PTPRM: variants seen among roughly 807,000 people sequenced by gnomAD.
PTPRM encodes receptor-type tyrosine-protein phosphatase mu.
Under a neutral mutation model 186.7 loss-of-function variants are expected in PTPRM, and 47 were observed. The observed-to-expected ratio is 0.25, with a 90% CI of 0.20 to 0.32. The LOEUF is 0.32. PTPRM is among the 10% of genes least tolerant of loss of function. PTPRM has a pLI of 1.00. For synonymous variants in PTPRM, 668 were observed against 674.9 expected, an observed-to-expected ratio of 0.99 and a Z score of 0.16; for missense variants, 1,494 against 1,865.0, an observed-to-expected ratio of 0.80 and a Z score of 3.66.
Position 7,980,880 on chromosome 18 carries a change from G to A in PTPRM, c.1132+25466G>A, listed in dbSNP as rs531010359. Among the ~76,000 whole-genome samples the A allele has an allele frequency of 1.2e-4, 18 of 152,132 alleles. No homozygotes were observed. The South Asian group carries it at 2.9e-3, about 25-fold the overall frequency. On this transcript the variant is annotated intron_variant, in intron 7 of 32. Transcript: ENST00000580170. ...GATCTGTCTCCCTCCACTGGAGCATGAGCTGGCCTGGCAGGGCTTTTGTCT... is the reference window on the plus strand; with the variant it reads ...GATCTGTCTCCCTCCACTGGAGCATAAGCTGGCCTGGCAGGGCTTTTGTCT...
At chr18:7,726,433 G>C (rs2040550553) in intron 1 of PTPRM, among the ~76,000 whole-genome samples, 1 of 152,070 alleles carries the variant, frequency 6.6e-6, no homozygotes, top group East Asian at 1.9e-4. Flanking sequence ...CTCCTATCCT[G>C]TGCGTTGTTA....
chr18:7,653,118 T>TTTATTATTATTA (rs150577417), intron 1 of PTPRM, among the ~76,000 whole-genome samples: 87 of 145,502 alleles, frequency 6.0e-4, no homozygotes, highest in African/African-American at 2.1e-3. Flanking sequence ...CACTATGTAC[T>TTTATTATTATTA]TTATTATTAT....
At position 8,158,155 on chromosome 18, in the gene PTPRM, A is replaced by G. The variant is rs140477963; in HGVS notation, c.2300+14376A>G. ...TAACCTCTATCTATTAGCATAGCTTATTAAAACTGGTTCTATCTGTGTCTC... is the reference window on the plus strand; with the variant it reads ...TAACCTCTATCTATTAGCATAGCTTGTTAAAACTGGTTCTATCTGTGTCTC... On this transcript the variant is annotated intron_variant, in intron 14 of 32. Coordinates refer to ENST00000580170, the MANE Select transcript of PTPRM (RefSeq NM_001105244.2). Among the ~76,000 whole-genome samples the G allele has an allele frequency of 5.8e-3, 890 of 152,330 alleles. 5 individuals are homozygous for G. The highest frequency in any genetic ancestry group is 0.02 in the African/African-American group (837 of 41,572).
At chr18:8,151,100 A>G (rs973986568) in intron 14 of PTPRM, among the ~76,000 whole-genome samples, 3 of 152,128 alleles carry the variant, frequency 2.0e-5, no homozygotes, top group African/African-American at 4.8e-5. Flanking sequence ...GTCAGGATAC[A>G]CGGGGGTCAG....
intron 17 of PTPRM, chr18:8,251,749 T>TC (rs2094530088): frequency 6.6e-6 from 1 of 152,240 alleles, no homozygotes; most frequent in Non-Finnish European, 1.5e-5. Flanking sequence ...GCCCTGCTCA[T>TC]CAAGCACCCT....
chr18:7,814,173 G>A (rs904483091), intron 2 of PTPRM: 3 of 152,388 alleles, frequency 2.0e-5, no homozygotes, highest in African/African-American at 7.2e-5. Flanking sequence ...GGGATTGTGG[G>A]AGATGGGTGC....
intron 2 of PTPRM, among the ~76,000 whole-genome samples, chr18:7,877,682 C>G (rs2048313392): frequency 6.6e-6 from 1 of 152,166 alleles, no homozygotes; most frequent in African/African-American, 2.4e-5. Context: ...GAGTCAAGAT[C>G]CTAATTCAGG....
At chr18:7,987,500 C>A (rs973256750) in intron 7 of PTPRM, among the ~76,000 whole-genome samples, 2 of 152,180 alleles carry the variant, frequency 1.3e-5, no homozygotes, top group Non-Finnish European at 2.9e-5. Context: ...GGCAGGCTCC[C>A]TGTCATTCCA....
At chr18:7,695,340 T>C (rs2039820940) in intron 1 of PTPRM, among the ~76,000 whole-genome samples, 1 of 152,086 alleles carries the variant, frequency 6.6e-6, no homozygotes, top group African/African-American at 2.4e-5. Context: ...CAATGCAGCG[T>C]ATGGTTTGGG....
At chr18:7,746,932 G>T (rs1462415262) in intron 1 of PTPRM, among the ~76,000 whole-genome samples, 1 of 152,156 alleles carries the variant, frequency 6.6e-6, no homozygotes, top group Non-Finnish European at 1.5e-5. Flanking sequence ...TCCAGGGAGA[G>T]GGCAGAGGTA....
intron 1 of PTPRM, among the ~76,000 whole-genome samples, chr18:7,743,532 TATTAA>T (rs1314044300): frequency 1.3e-5 from 2 of 152,204 alleles, no homozygotes; most frequent in African/African-American, 4.8e-5. Flanking sequence ...AATAATATGA[TATTAA>T]AATAAAAAGA....
At chr18:8,101,623 G>A (rs1042697950) in intron 11 of PTPRM, among the ~76,000 whole-genome samples, 4 of 152,138 alleles carry the variant, frequency 2.6e-5, no homozygotes, top group African/African-American at 9.7e-5. Context: ...AGGCTTCCTC[G>A]CTAGATGCCA....
intron 7 of PTPRM, among the ~76,000 whole-genome samples, chr18:7,956,088 G>A (rs1172839200): frequency 1.3e-5 from 2 of 152,156 alleles, no homozygotes; most frequent in Admixed American, 6.5e-5. Context: ...TTGTAGTGTT[G>A]TTTCCGTATG....
At chr18:8,100,166 T>C (rs1312310495) in intron 11 of PTPRM, among the ~76,000 whole-genome samples, 1 of 151,548 alleles carries the variant, frequency 6.6e-6, no homozygotes, top group Non-Finnish European at 1.5e-5. Context: ...GGAAACGGAG[T>C]CTTACTCTGT....
rs186256816 is a variant in PTPRM at position 8,269,164 on chromosome 18, C to G, written c.2754+15750C>G. The stretch of plus-strand genomic sequence containing the variant: ...AACATGATCTTATATATAGAAATAC[C>G]TCAGAGACTCCACCAGAAACTGTTA... On this transcript the variant is annotated intron_variant, in intron 19 of 32. Transcript: ENST00000580170. Among the ~76,000 whole-genome samples the G allele has an allele frequency of 3.8e-4, 57 of 151,976 alleles. 1 individual carries two copies. The East Asian group carries it at 7.7e-3, about 21-fold the overall frequency.
chr18:8,181,151 AAAAC>A (rs1302453726), intron 14 of PTPRM, among the ~76,000 whole-genome samples: 2 of 152,262 alleles, frequency 1.3e-5, no homozygotes, highest in Non-Finnish European at 2.9e-5. Flanking sequence ...AGCCATGAAC[AAAAC>A]AAACAGAAAT....
At chr18:7,620,768 C>T (rs967824927) in intron 1 of PTPRM, among the ~76,000 whole-genome samples, 1 of 152,154 alleles carries the variant, frequency 6.6e-6, no homozygotes, top group African/African-American at 2.4e-5. Flanking sequence ...CCAAGATGTA[C>T]ACTCTTTCTA....
intron 13 of PTPRM, among the ~76,000 whole-genome samples, chr18:8,139,762 C>G (rs1246710145): frequency 1.3e-5 from 2 of 151,484 alleles, no homozygotes; most frequent in African/African-American, 4.9e-5. Context: ...CTCCAATCCC[C>G]CATCCTAATA....
At chr18:7,616,170 T>A (rs1189565712) in intron 1 of PTPRM, among the ~76,000 whole-genome samples, 2 of 152,052 alleles carry the variant, frequency 1.3e-5, no homozygotes, top group Admixed American at 1.3e-4. Context: ...AGGATGCTGG[T>A]TTTTTAGACA....
Sources: allele counts gnomAD v4.1 joint callset (sites outside exome capture counted in the v4.1 genomes callset), GRCh38; gene constraint gnomAD v4.1.1; transcripts MANE v1.5; gene names NCBI Gene and HGNC (gene_info 2026-07-23, HGNC 2026-07-21).